Variants in PRR12 observed in about 807,000 individuals in gnomAD.
PRR12 encodes proline rich 12.
A neutral mutation model predicts 138.0 loss-of-function variants in PRR12; 12 were observed. That is an observed-to-expected ratio of 0.09 (90% CI 0.06 to 0.14). The LOEUF is 0.14. Among genes scored for constraint, PRR12 ranks in the 10% least tolerant of loss-of-function variants. The pLI is 1.00. For missense variants in PRR12, 2,692 were observed against 2,861.3 expected (o/e 0.94, Z 1.35); for synonymous variants, 1,567 against 1,291.7 (o/e 1.21, Z -4.57).
chr19:49,602,099 T>C (rs950300555), intron 6 of PRR12, among the ~76,000 whole-genome samples, 181 bp downstream of exon 6: 1 of 152,164 alleles, frequency 6.6e-6, no homozygotes, highest in African/African-American at 2.4e-5. Flanking sequence ...TCAGAGGTGT[T>C]ATTTGCGTTT....
Position 49,596,104 on chromosome 19 carries a change from T to G in PRR12, c.1769T>G (p.Leu590Arg). The stretch of plus-strand genomic sequence containing the variant: ...TCTCCAGGAGCCCCTGGCAAATACC[T>G]GAGCTCAGTCTTGGCCTCAGCGCCT... ...VGSPGAPGKY[L>R]SSVLASAPFL... Residue 590 changes from leucine to arginine, a missense_variant, in exon 4 of 14, where the codon CTG (leucine) becomes CGG (arginine). Physicochemically the swap from Leu to Arg is moderately radical, Grantham distance 102 (BLOSUM62 -2). Coordinates refer to ENST00000418929, the MANE Select transcript of PRR12 (RefSeq NM_020719.3). The surrounding 1 kb of genome is among the most constrained non-coding windows in gnomAD (Gnocchi z 5.6). The G allele has an allele frequency of 2.5e-6, 4 of 1,602,924 alleles. No homozygotes were observed. Among genetic ancestry groups the G allele is most frequent in the Non-Finnish European group, 3.4e-6 (4 of 1,179,742 alleles).
rs1270045878 is a variant in PRR12, at chr19:49,594,208, A to G, written c.200-246A>G. Among the ~76,000 whole-genome samples the G allele has an allele frequency of 6.6e-6, 1 of 151,568 alleles. No individual in the cohort carries two copies. The highest frequency in any genetic ancestry group is 2.4e-5 in the African/African-American group (1 of 41,210). On this transcript the variant is annotated intron_variant, in intron 2 of 13. Coordinates refer to ENST00000418929, the MANE Select transcript of PRR12 (RefSeq NM_020719.3). The surrounding 1 kb of genome is among the most constrained non-coding windows in gnomAD (Gnocchi z 5.6). Reference sequence around the variant, plus strand: ...TCTACACTTTTGTCTACCATTTCCTACCTGGGCCCCCTGTCCTTATGACTG... The same window carrying G: ...TCTACACTTTTGTCTACCATTTCCTGCCTGGGCCCCCTGTCCTTATGACTG...
chr19:49,620,596 G>A (rs1174081199), intron 10 of PRR12, 119 bp downstream of exon 10: 1 of 1,413,004 alleles, frequency 7.1e-7, no homozygotes, highest in Non-Finnish European at 9.6e-7. Context: ...TGAGTCTGAG[G>A]GAAGAGGAGC....
At position 49,594,969 on chromosome 19, in the gene PRR12, G is replaced by T; in HGVS notation, c.634G>T (p.Gly212Cys). The change falls in exon 4 of 14, where the codon GGT becomes TGT. Residue 212 changes from glycine (G) to cysteine (C), a missense_variant. Around this residue, in one of 11 missense-constraint regions of PRR12, gnomAD observed 523 missense variants for 496.4 expected, o/e 1.05. Coordinates refer to ENST00000418929, the MANE Select transcript of PRR12 (RefSeq NM_020719.3). The surrounding 1 kb of genome is among the most constrained non-coding windows in gnomAD (Gnocchi z 5.6). ...SLGFERLAGGGVLGPAGLGPA... is the reference protein window; with the variant it reads ...SLGFERLAGGCVLGPAGLGPA... The stretch of plus-strand genomic sequence containing the variant: ...GGGCTTCGAGCGCCTGGCAGGGGGC[G>T]GTGTCTTGGGGCCAGCTGGTCTCGG... 1 of 1,598,724 alleles carries T rather than the reference G, an allele frequency of 6.3e-7. No homozygotes were observed. Among genetic ancestry groups the T allele is most frequent in the South Asian group, 1.1e-5 (1 of 89,228 alleles).
At chr19:49,592,788 T>G (rs559536465) in intron 1 of PRR12, among the ~76,000 whole-genome samples, 1 of 152,154 alleles carries the variant, frequency 6.6e-6, no homozygotes, top group Non-Finnish European at 1.5e-5. Flanking sequence ...CCAGGTCTTA[T>G]TCCCTCTTCT....
rs2080794433 is a variant in PRR12, at chr19:49,599,102, G to A, written c.3679-170G>A. Among the ~76,000 whole-genome samples, 1 of 152,198 alleles carries A rather than the reference G, an allele frequency of 6.6e-6. No individual in the cohort carries two copies. The highest frequency in any genetic ancestry group is 2.1e-4 in the South Asian group (1 of 4,836). The stretch of plus-strand genomic sequence containing the variant: ...AGTCCAAGTTCCTGGTCTTCTGAGG[G>A]AGGAACTCCAGTCTTGTCCTCCTAG... On this transcript the variant is annotated intron_variant, in intron 4 of 13. Coordinates refer to ENST00000418929, the MANE Select transcript of PRR12 (RefSeq NM_020719.3). The surrounding 1 kb of genome is among the most constrained non-coding windows in gnomAD (Gnocchi z 5.0).
chr19:49,619,056 C>T (rs2080907030), intron 9 of PRR12, among the ~76,000 whole-genome samples: 1 of 151,986 alleles, frequency 6.6e-6, no homozygotes, highest in Admixed American at 6.6e-5. Context: ...CATCTCGTCC[C>T]TCAGCCTTGC....
Position 49,596,231 on chromosome 19 carries a change from T to C in PRR12, c.1896T>C (p.Pro632=). The C allele has an allele frequency of 1.2e-6, 2 of 1,610,946 alleles. No individual in the cohort carries two copies. The highest frequency in any genetic ancestry group is 2.2e-5 in the South Asian group (2 of 91,054). Reference sequence around the variant, plus strand: ...TGCTGGCGGGCCCAGGTGGGCCTCCTGCGGAGCGCACAGAGGATGAGGAGT... The same window carrying C: ...TGCTGGCGGGCCCAGGTGGGCCTCCCGCGGAGCGCACAGAGGATGAGGAGT... ...SELLAGPGGP[P]AERTEDEEFL... The change falls in exon 4 of 14, where the codon CCT becomes CCC. Residue 632 remains proline (P), a synonymous_variant. Coordinates refer to ENST00000418929, the MANE Select transcript of PRR12 (RefSeq NM_020719.3). This position sits in a 1 kb window ranked among gnomAD's most constrained non-coding sequence, Gnocchi z 5.6.
At chr19:49,615,127 C>A in intron 8 of PRR12, 118 bp downstream of exon 8, 2 of 1,423,462 alleles carry the variant, frequency 1.4e-6, no homozygotes, top group South Asian at 1.3e-5. Context: ...GGAGACAGAG[C>A]CCAGAGAGAG....
intron 6 of PRR12, among the ~76,000 whole-genome samples, chr19:49,603,920 A>G (rs1395349948): frequency 1.3e-5 from 2 of 151,978 alleles, no homozygotes; most frequent in Non-Finnish European, 2.9e-5. Context: ...GCCCGGGTTC[A>G]AGCGATTCTC....
Position 49,597,158 on chromosome 19 carries a change from C to T in PRR12, c.2823C>T (p.Asp941=), listed in dbSNP as rs768911052. Residue 941 remains aspartate, a synonymous_variant, in exon 4 of 14, where the codon GAC becomes GAT. Coordinates refer to ENST00000418929, the MANE Select transcript of PRR12 (RefSeq NM_020719.3). This position sits in a 1 kb window ranked among gnomAD's most constrained non-coding sequence, Gnocchi z 6.3. The stretch of plus-strand genomic sequence containing the variant: ...GCTTCCCTGACTCCTTGCTCCAAGA[C>T]GAGGAGCGCAGCTTCTTCCCCACCA... ...SICFPDSLLQ[D]EERSFFPTME... The T allele has an allele frequency of 6.4e-6, 10 of 1,552,116 alleles. No individual in the cohort carries two copies. Among genetic ancestry groups the T allele is most frequent in the East Asian group, 4.9e-5 (2 of 41,212 alleles).
Position 49,592,445 on chromosome 19 carries a change from T to G in PRR12, c.86+705T>G, listed in dbSNP as rs117613997. ...AGTCGGATGTTTCCCGGGTGTGTGT[T>G]TGTGTGTCTGAGCGTGGGCCCTGTG... On this transcript the variant is annotated intron_variant, in intron 1 of 13. Coordinates refer to ENST00000418929, the MANE Select transcript of PRR12 (RefSeq NM_020719.3). Among the ~76,000 whole-genome samples, 1,268 of 152,236 alleles carry G rather than the reference T, an allele frequency of 8.3e-3. 11 individuals are homozygous for G. Among genetic ancestry groups the G allele is most frequent in the Non-Finnish European group, 0.014 (979 of 68,006 alleles).
Position 49,595,039 on chromosome 19 carries a change from C to G in PRR12, c.704C>G (p.Pro235Arg). ...TACCGCCCTGGCCCCCCAGACCCAC[C>G]ACCACCTCCTCGCCACCTCCCAACT... ...PPYRPGPPDPPPPPRHLPTQF... is the reference protein window; with the variant it reads ...PPYRPGPPDPRPPPRHLPTQF... Residue 235 changes from proline (P) to arginine (R), a missense_variant, in exon 4 of 14, where the codon CCA (proline) becomes CGA (arginine). This residue lies in a region of PRR12 where 523 missense variants were observed against 496.4 expected (regional missense o/e 1.05). Coordinates refer to ENST00000418929, the MANE Select transcript of PRR12 (RefSeq NM_020719.3). 6.2e-7 allele frequency: 1 copy of G among 1,609,296 alleles called. No homozygotes were observed. The highest frequency in any genetic ancestry group is 8.5e-7 in the Non-Finnish European group (1 of 1,178,760).
Position 49,597,260 on chromosome 19 carries a change from G to A in PRR12, c.2925G>A (p.Lys975=). The A allele has an allele frequency of 6.4e-7, 1 of 1,572,160 alleles. No homozygotes were observed. Among genetic ancestry groups the A allele is most frequent in the Non-Finnish European group, 8.6e-7 (1 of 1,159,852 alleles). Residue 975 remains lysine (K), a synonymous_variant, in exon 4 of 14, where the codon AAG becomes AAA. Coordinates refer to ENST00000418929, the MANE Select transcript of PRR12 (RefSeq NM_020719.3). The surrounding 1 kb of genome is among the most constrained non-coding windows in gnomAD (Gnocchi z 6.3). ...AGPPEDEGDP[K]AGAGPPPGPP... ...CACCTGAGGACGAGGGGGACCCCAA[G>A]GCTGGCGCTGGGCCACCCCCCGGCC...
chr19:49,619,936 A>G (rs1479584524), intron 9 of PRR12, among the ~76,000 whole-genome samples: 1 of 136,920 alleles, frequency 7.3e-6, no homozygotes, highest in South Asian at 2.3e-4. Flanking sequence ...GCTCACTGCA[A>G]CCTCCGCCTC....
chr19:49,607,361 G>GCGCGCGCACACACACA (rs1555742564), intron 6 of PRR12, among the ~76,000 whole-genome samples: 7 of 147,760 alleles, frequency 4.7e-5, no homozygotes, highest in Non-Finnish European at 8.9e-5. Flanking sequence ...ATGTACGTGT[G>GCGCGCGCACACACACA]CACACACACA....
chr19:49,598,935 C>T (rs1234693324), intron 4 of PRR12, among the ~76,000 whole-genome samples: 1 of 152,168 alleles, frequency 6.6e-6, no homozygotes, highest in Non-Finnish European at 1.5e-5. Flanking sequence ...GCTGGGATTA[C>T]AGGCACGAGC....
chr19:49,597,961 G>T lies in PRR12; in HGVS notation c.3626G>T (p.Arg1209Leu), dbSNP rs773594924. Residue 1209 changes from arginine (R) to leucine (L), a missense_variant, in exon 4 of 14, where the codon CGA becomes CTA. Arg to Leu is a moderately radical substitution (Grantham distance 102, BLOSUM62 -2). Coordinates refer to ENST00000418929, the MANE Select transcript of PRR12 (RefSeq NM_020719.3). The surrounding 1 kb of genome is among the most constrained non-coding windows in gnomAD (Gnocchi z 6.3). ...KPRGRGRGRG[R>L]KAEEAGGTRL... is the part of the protein sequence containing the mutation. Reference sequence around the variant, plus strand: ...CGGGGCCGGGGCCGAGGCCGGGGTCGAAAGGCTGAGGAGGCAGGGGGCACC... The same window carrying T: ...CGGGGCCGGGGCCGAGGCCGGGGTCTAAAGGCTGAGGAGGCAGGGGGCACC... 2 of 1,400,886 alleles carry T rather than the reference G, an allele frequency of 1.4e-6. No individual in the cohort carries two copies. Among genetic ancestry groups the T allele is most frequent in the African/African-American group, 1.5e-5 (1 of 65,694 alleles). 86.8% of individuals were successfully genotyped at this position (1,400,886 alleles called of 1,614,324 possible). A position where few individuals can be genotyped will look rare whatever the true frequency, so the allele number is the denominator to read the frequency against.
intron 6 of PRR12, among the ~76,000 whole-genome samples, chr19:49,612,266 C>T (rs1369041401): frequency 6.6e-6 from 1 of 151,862 alleles, no homozygotes; most frequent in African/African-American, 2.4e-5. Context: ...GTGAGCTCCC[C>T]AGGTCAAGTC....
Sources: gnomAD v4.1 joint callset for allele counts (sites outside exome capture counted in the v4.1 genomes callset) on GRCh38, gnomAD v4.1.1 for gene constraint, gnomAD v4.1.1 regional missense constraint, Gnocchi (gnomAD v3.1) non-coding constraint, MANE v1.5 for transcripts, NCBI Gene and HGNC (gene_info 2026-07-23, HGNC 2026-07-21) for gene names.